SERPINB12: variants seen among roughly 807,000 people sequenced by gnomAD.
SERPINB12 encodes the protein serpin family B member 12.
Under a neutral mutation model 41.1 loss-of-function variants are expected in SERPINB12, and 57 were observed. That is an observed-to-expected ratio of 1.39 (90% CI 1.12 to 1.73). The LOEUF (loss-of-function observed/expected upper bound fraction) is 1.73. Ranked by LOEUF, SERPINB12 falls within the 40% of genes most tolerant of loss-of-function variation. SERPINB12 has a pLI of 0.00. For synonymous variants in SERPINB12, 180 were observed against 181.3 expected, an observed-to-expected ratio of 0.99 and a Z score of 0.06; for missense variants, 536 against 501.9, an observed-to-expected ratio of 1.07 and a Z score of -0.65.
At chr18:63,552,904 G>A in intron 1 of SERPINB12, among the ~76,000 whole-genome samples, 1 of 151,998 alleles carries the variant, frequency 6.6e-6, no homozygotes, top group East Asian at 1.9e-4. Context: ...AGACTTGTAT[G>A]TAAAGCCAGG....
chr18:63,561,256 T>C (rs897826614), intron 5 of SERPINB12, 54 bp downstream of exon 5: 1 of 1,125,942 alleles, frequency 8.9e-7, no homozygotes, highest in Admixed American at 1.8e-5. Flanking sequence ...TAAAAGAAAA[T>C]TGGTCTGCCT....
the SERPINB12 span, among the ~76,000 whole-genome samples, chr18:63,534,010 C>T: frequency 6.6e-6 from 1 of 152,326 alleles, no homozygotes; most frequent in Middle Eastern, 3.4e-3. Flanking sequence ...GATGCACAAA[C>T]ACTGCTCTGG....
intron 5 of SERPINB12, among the ~76,000 whole-genome samples, chr18:63,562,253 A>AAGTT (rs1186131999): frequency 6.6e-6 from 1 of 152,144 alleles, no homozygotes; most frequent in Non-Finnish European, 1.5e-5. Flanking sequence ...TCCAGGACCA[A>AAGTT]AGTTAGTGAC....
intron 1 of SERPINB12, among the ~76,000 whole-genome samples, chr18:63,552,831 A>G (rs962988562): frequency 3.3e-5 from 5 of 152,196 alleles, no homozygotes; most frequent in Non-Finnish European, 4.4e-5. Context: ...GCAACCCTTC[A>G]GAAGGTGGTT....
In SERPINB12 at chr18:63,558,490, AACCGCC is replaced by A. The variant is rs1479567534; in HGVS notation, c.303+9_303+14del. 1 of 1,606,762 alleles carries A rather than the reference AACCGCC, an allele frequency of 6.2e-7. No individual in the cohort carries two copies. Among genetic ancestry groups the A allele is most frequent in the Non-Finnish European group, 8.5e-7 (1 of 1,178,132 alleles). ...GACAGAGCCTCTGGATCAGCAGGTG[AACCGCC>A]ACCGTAGAAAACTCTTGCCTTTCTT... On this transcript the variant is annotated splice_donor_5th_base_variant and intron_variant, in intron 3 of 7. Transcript: ENST00000382768.
intron 1 of SERPINB12, among the ~76,000 whole-genome samples, 198 bp downstream of exon 1, chr18:63,542,690 T>C (rs1307004235): frequency 6.6e-6 from 1 of 152,154 alleles, no homozygotes; most frequent in African/African-American, 2.4e-5. Context: ...GTTTGTTATA[T>C]AGGTAAATTG....
rs183047532 is a variant in SERPINB12, at chr18:63,556,946, C to A, written c.168+619C>A. Among the ~76,000 whole-genome samples the A allele has an allele frequency of 4.1e-3, 622 of 152,352 alleles. 5 individuals are homozygous for A. Among genetic ancestry groups the A allele is most frequent in the African/African-American group, 0.014 (598 of 41,584 alleles). Reference sequence around the variant, plus strand: ...TTTCCTGCTCTCACTGGCAATCTATCCTTTGCACAGCAGTCCAAGAGACCC... The same window carrying A: ...TTTCCTGCTCTCACTGGCAATCTATACTTTGCACAGCAGTCCAAGAGACCC... On this transcript the variant is annotated intron_variant, in intron 2 of 7. Coordinates refer to ENST00000382768, the MANE Select transcript of SERPINB12 (RefSeq NM_001307928.2).
upstream of SERPINB12, among the ~76,000 whole-genome samples, chr18:63,538,301 C>G (rs146138546): frequency 2.0e-4 from 30 of 152,136 alleles, 1 homozygote; most frequent in African/African-American, 6.7e-4. Context: ...AATTTTAGAA[C>G]ATTTTCATCA....
At chr18:63,563,683 G>A (rs1568131726) in intron 5 of SERPINB12, among the ~76,000 whole-genome samples, 1 of 152,110 alleles carries the variant, frequency 6.6e-6, no homozygotes, top group Non-Finnish European at 1.5e-5. Flanking sequence ...GATCACCTGA[G>A]GTCAGGAGCT....
At chr18:63,561,387 T>C (rs184524076) in intron 5 of SERPINB12, among the ~76,000 whole-genome samples, 185 bp downstream of exon 5, 16 of 152,108 alleles carry the variant, frequency 1.1e-4, no homozygotes, top group African/African-American at 3.6e-4. Flanking sequence ...TATTAAAAAG[T>C]TAAAAAACGA....
At chr18:63,559,003 C>CTTTT (rs1491386715) in intron 3 of SERPINB12, among the ~76,000 whole-genome samples, 2 of 78,536 alleles carry the variant, frequency 2.5e-5, no homozygotes, top group African/African-American at 1.0e-4. Context: ...TCTTTCCTTC[C>CTTTT]TTCTTTCTTT....
At chr18:63,540,741 T>A (rs1195272950), upstream of SERPINB12, among the ~76,000 whole-genome samples, 1 of 152,218 alleles carries the variant, frequency 6.6e-6, no homozygotes. Flanking sequence ...AACCAGATAT[T>A]TTTAATAAAA....
chr18:63,564,000 C>T lies in SERPINB12; in HGVS notation c.585C>T (p.Ser195=), dbSNP rs1270331269. 1 of 1,612,292 alleles carries T rather than the reference C, an allele frequency of 6.2e-7. No individual in the cohort carries two copies. The highest frequency in any genetic ancestry group is 8.5e-7 in the Non-Finnish European group (1 of 1,179,394). The change falls in exon 6 of 8, where the codon AGC becomes AGT. Residue 195 remains serine (S), a synonymous_variant. Coordinates refer to ENST00000382768, the MANE Select transcript of SERPINB12 (RefSeq NM_001307928.2). The part of the protein sequence containing the change: ...QSQGKIKELF[S]KDAINAETVL... The stretch of plus-strand genomic sequence containing the variant: ...TAGGTAAAATCAAGGAACTCTTCAG[C>T]AAGGACGCTATTAATGCTGAGACTG...
In SERPINB12 at chr18:63,565,219, C is replaced by T. The variant is rs537664790; in HGVS notation, c.706-226C>T. On this transcript the variant is annotated intron_variant, in intron 6 of 7. Transcript: ENST00000382768. ...AAAAAGCAAACACCTGGCCCCCATC[C>T]CCGTCACTCCACAACAAAAAAAGAC... Among the ~76,000 whole-genome samples, 4 of 152,144 alleles carry T rather than the reference C, an allele frequency of 2.6e-5. No homozygotes were observed. In the East Asian group the frequency reaches 7.7e-4, roughly 29 times the overall value.
At chr18:63,535,637 T>C in the SERPINB12 span, among the ~76,000 whole-genome samples, 1 of 152,166 alleles carries the variant, frequency 6.6e-6, no homozygotes, top group Non-Finnish European at 1.5e-5. Context: ...AAACTGGACA[T>C]AAAAGACATT....
chr18:63,537,426 A>G (rs966793424), upstream of SERPINB12, among the ~76,000 whole-genome samples: 2 of 152,174 alleles, frequency 1.3e-5, no homozygotes, highest in African/African-American at 4.8e-5. Context: ...GTGTGGCCAG[A>G]GGAGAATGGT....
upstream of SERPINB12, among the ~76,000 whole-genome samples, chr18:63,542,001 T>C (rs115362613): frequency 0.011 from 1,680 of 152,302 alleles, 30 homozygotes; most frequent in African/African-American, 0.038. Context: ...ATGGTGTGCA[T>C]TGGGATAGGC....
intron 1 of SERPINB12, among the ~76,000 whole-genome samples, chr18:63,550,988 G>C (rs1032124856): frequency 6.6e-6 from 1 of 152,040 alleles, no homozygotes; most frequent in African/African-American, 2.4e-5. Flanking sequence ...GAAAGTTTTC[G>C]GCCGGGCGCG....
At chr18:63,532,059 T>C in the SERPINB12 span, among the ~76,000 whole-genome samples, 6 of 152,230 alleles carry the variant, frequency 3.9e-5, no homozygotes, top group Admixed American at 3.9e-4. Flanking sequence ...ATTGTATTAA[T>C]ACAAACCTAT....
Sources: allele counts gnomAD v4.1 joint callset (sites outside exome capture counted in the v4.1 genomes callset), GRCh38; gene constraint gnomAD v4.1.1; transcripts MANE v1.5; gene names NCBI Gene and HGNC (gene_info 2026-07-23, HGNC 2026-07-21).